The following PCSK2 variants were observed in gnomAD, a reference collection of about 807,000 sequenced individuals.
The protein encoded by PCSK2 is neuroendocrine convertase 2.
A neutral mutation model predicts 69.7 loss-of-function variants in PCSK2; 14 were observed. The observed-to-expected ratio is 0.20, with a 90% CI of 0.13 to 0.31. The LOEUF (loss-of-function observed/expected upper bound fraction) is 0.31, where lower values mean the gene tolerates loss of function less well. Ranked by LOEUF, PCSK2 falls within the 10% of genes least tolerant of loss-of-function variation. The pLI, the probability that PCSK2 is intolerant of heterozygous loss-of-function variation, is 1.00. For missense variants in PCSK2, 544 were observed against 842.5 expected, an observed-to-expected ratio of 0.65 and a Z score of 4.39; for synonymous variants, 307 against 320.7, an observed-to-expected ratio of 0.96 and a Z score of 0.46.
chr20:17,272,887 A>G (rs1987925247), intron 2 of PCSK2, among the ~76,000 whole-genome samples: 1 of 152,132 alleles, frequency 6.6e-6, no homozygotes. Context: ...GCTCTCTGAG[A>G]AATCAGTTTA....
intron 1 of PCSK2, among the ~76,000 whole-genome samples, chr20:17,259,380 A>AGGGAGAGATCT (rs2122996120): frequency 6.6e-6 from 1 of 152,308 alleles, no homozygotes; most frequent in East Asian, 1.9e-4. Flanking sequence ...CGTGGAGAAA[A>AGGGAGAGATCT]GGGAGAGATC....
chr20:17,391,902 G>GGA (rs1479318558), intron 5 of PCSK2, among the ~76,000 whole-genome samples: 1 of 21,098 alleles, frequency 4.7e-5, no homozygotes, highest in East Asian at 1.5e-3. Context: ...GAGAGAAAGA[G>GGA]AGAGAGGAAG....
intron 10 of PCSK2, chr20:17,463,446 A>T (rs999777114): frequency 6.6e-6 from 1 of 152,126 alleles, no homozygotes; most frequent in Admixed American, 6.5e-5. Flanking sequence ...TGTCCAAGAC[A>T]TGTTCTGAAT....
intron 1 of PCSK2, among the ~76,000 whole-genome samples, chr20:17,254,592 T>C (rs1237870683): frequency 6.6e-6 from 1 of 152,184 alleles, no homozygotes; most frequent in African/African-American, 2.4e-5. Context: ...CCATACTACT[T>C]TGATTACTTT....
intron 1 of PCSK2, among the ~76,000 whole-genome samples, chr20:17,232,938 A>G (rs1986194882): frequency 6.6e-6 from 1 of 152,212 alleles, no homozygotes; most frequent in African/African-American, 2.4e-5. Context: ...TTGCTTCCCT[A>G]GACATGGCTG....
At chr20:17,259,378 A>C (rs923867040) in intron 1 of PCSK2, among the ~76,000 whole-genome samples, 11 of 152,206 alleles carry the variant, frequency 7.2e-5, no homozygotes, top group Admixed American at 5.9e-4. Flanking sequence ...GACGTGGAGA[A>C]AAGGGAGAGA....
chr20:17,236,124 G>A (rs1284808415), intron 1 of PCSK2, among the ~76,000 whole-genome samples: 1 of 152,016 alleles, frequency 6.6e-6, no homozygotes, highest in Admixed American at 6.6e-5. Context: ...AATATGTATA[G>A]AGAGAAGAGA....
chr20:17,237,647 C>T (rs6034778), intron 1 of PCSK2, among the ~76,000 whole-genome samples: 66,467 of 151,908 alleles, frequency 0.44, 15,278 homozygotes, highest in African/African-American at 0.58. Context: ...GAAGAGGAGA[C>T]GAGTGTTAAT....
intron 2 of PCSK2, among the ~76,000 whole-genome samples, chr20:17,305,130 C>A (rs1029589812): frequency 6.6e-6 from 1 of 152,102 alleles, no homozygotes; most frequent in South Asian, 2.1e-4. Context: ...TATGACAAAG[C>A]AGCATTTTCC....
intron 5 of PCSK2, among the ~76,000 whole-genome samples, chr20:17,383,220 T>G (rs1045416590): frequency 1.3e-5 from 2 of 152,200 alleles, no homozygotes; most frequent in African/African-American, 4.8e-5. Flanking sequence ...CTTCTGGCCA[T>G]GCTTTCTCCT....
intron 2 of PCSK2, among the ~76,000 whole-genome samples, chr20:17,320,478 G>T (rs773940492): frequency 2.6e-5 from 4 of 152,224 alleles, no homozygotes; most frequent in Non-Finnish European, 4.4e-5. Context: ...CCCAGGTCAA[G>T]TTCCTCAGGC....
At chr20:17,324,520 G>C (rs935347134) in intron 2 of PCSK2, among the ~76,000 whole-genome samples, 1 of 152,136 alleles carries the variant, frequency 6.6e-6, no homozygotes, top group African/African-American at 2.4e-5. Flanking sequence ...GGCTGATTTA[G>C]AGACGAGTAA....
chr20:17,461,451 A>C (rs73898596), intron 10 of PCSK2, among the ~76,000 whole-genome samples: 1,987 of 152,314 alleles, frequency 0.013, 41 homozygotes, highest in African/African-American at 0.046. Context: ...GACCCAGAGA[A>C]GTGAAACAAC....
At chr20:17,242,248 T>C (rs1442301471) in intron 1 of PCSK2, among the ~76,000 whole-genome samples, 2 of 152,248 alleles carry the variant, frequency 1.3e-5, no homozygotes, top group African/African-American at 4.8e-5. Flanking sequence ...TAGGCAGGGC[T>C]GGCTTACAGC....
chr20:17,311,343 C>A (rs1989504889), intron 2 of PCSK2, among the ~76,000 whole-genome samples: 1 of 152,094 alleles, frequency 6.6e-6, no homozygotes, highest in Non-Finnish European at 1.5e-5. Flanking sequence ...TAATTTATTT[C>A]CTGATAAATA....
chr20:17,345,082 A>G (rs777322773), intron 2 of PCSK2, among the ~76,000 whole-genome samples: 2 of 152,168 alleles, frequency 1.3e-5, no homozygotes, highest in Non-Finnish European at 1.5e-5. Flanking sequence ...CTTTTCAAAT[A>G]GAGACATAAT....
chr20:17,306,684 A>G (rs1433379619), intron 2 of PCSK2, among the ~76,000 whole-genome samples: 1 of 152,174 alleles, frequency 6.6e-6, no homozygotes, highest in Admixed American at 6.5e-5. Flanking sequence ...AGACTGGGTT[A>G]AACCACTGGG....
intron 8 of PCSK2, among the ~76,000 whole-genome samples, chr20:17,450,173 C>T (rs971151839): frequency 4.6e-5 from 7 of 151,726 alleles, no homozygotes; most frequent in Admixed American, 3.3e-4. Context: ...GGACTACAGG[C>T]GCCCGCCACC....
chr20:17,303,438 A>T (rs1275567590), intron 2 of PCSK2, among the ~76,000 whole-genome samples: 1 of 58,344 alleles, frequency 1.7e-5, no homozygotes, highest in Admixed American at 2.2e-4. Flanking sequence ...TTAATATATA[A>T]TATAATATAT....
Sources: allele counts gnomAD v4.1 joint callset (sites outside exome capture counted in the v4.1 genomes callset), GRCh38; gene constraint gnomAD v4.1.1; transcripts MANE v1.5; gene names NCBI Gene and HGNC (gene_info 2026-07-23, HGNC 2026-07-21).